The following ABCB4 variants were observed in gnomAD, a reference collection of about 807,000 sequenced individuals.
The protein encoded by ABCB4 is ATP binding cassette subfamily B member 4, also known as phosphatidylcholine translocator ABCB4.
ABCB4 carries 76 observed loss-of-function variants against 145.7 expected under a neutral mutation model. The ratio of observed to expected loss-of-function variants is 0.52; its 90% CI spans 0.43 to 0.63. The LOEUF is 0.63. Ranked by LOEUF, ABCB4 falls within the 30% of genes least tolerant of loss-of-function variation. The pLI is 0.00. For missense variants in ABCB4, 1,234 were observed against 1,553.1 expected (o/e 0.79, Z 3.45); for synonymous variants, 517 against 566.8 (o/e 0.91, Z 1.25).
At chr7:87,430,225 AT>A (rs1328012095) in intron 15 of ABCB4, among the ~76,000 whole-genome samples, 1 of 152,204 alleles carries the variant, frequency 6.6e-6, no homozygotes, top group East Asian at 1.9e-4. Flanking sequence ...AAAATGACTA[AT>A]TTCACACATT....
At chr7:87,391,141 G>A in the ABCB4 span, among the ~76,000 whole-genome samples, 33 of 152,278 alleles carry the variant, frequency 2.2e-4, no homozygotes, top group Middle Eastern at 3.4e-3. Context: ...CCTCTCCATC[G>A]GGCAGCCCTC....
At chr7:87,450,168 T>C (rs1249486788) in intron 7 of ABCB4, 76 bp from the exon 8 acceptor site, 4 of 1,582,226 alleles carry the variant, frequency 2.5e-6, no homozygotes, top group Non-Finnish European at 3.5e-6. Context: ...CCCTTTAACC[T>C]ACTTTTTCTT....
At chr7:87,411,187 C>A (rs1310587796) in intron 23 of ABCB4, among the ~76,000 whole-genome samples, 1 of 151,362 alleles carries the variant, frequency 6.6e-6, no homozygotes, top group Non-Finnish European at 1.5e-5. Context: ...CAGCTCTTAA[C>A]ACACTTTCGC....
downstream of ABCB4, among the ~76,000 whole-genome samples, chr7:87,401,491 C>A (rs1807781293): frequency 6.6e-6 from 1 of 152,146 alleles, no homozygotes; most frequent in African/African-American, 2.4e-5. Context: ...GATAATTGTA[C>A]ATTTTAAATT....
the ABCB4 span, among the ~76,000 whole-genome samples, chr7:87,370,232 G>C: frequency 6.6e-6 from 1 of 152,042 alleles, no homozygotes; most frequent in Non-Finnish European, 1.5e-5. Flanking sequence ...GTCCAGGCTG[G>C]AGTGCAGAGG....
intron 14 of ABCB4, among the ~76,000 whole-genome samples, chr7:87,432,728 G>A (rs1393343019): frequency 6.6e-6 from 1 of 152,128 alleles, no homozygotes; most frequent in Non-Finnish European, 1.5e-5. Context: ...GAGTGAGGGT[G>A]GAATGCAGAG....
chr7:87,426,294 C>G (rs1241498571), intron 16 of ABCB4, among the ~76,000 whole-genome samples: 1 of 152,162 alleles, frequency 6.6e-6, no homozygotes, highest in African/African-American at 2.4e-5. Context: ...AGCTACTGTT[C>G]TAGCCCTGGG....
intron 15 of ABCB4, 99 bp downstream of exon 15, chr7:87,431,304 TC>T (rs879700814): frequency 3.4e-5 from 50 of 1,477,660 alleles, no homozygotes; most frequent in Middle Eastern, 1.7e-4. Context: ...TGTTGAAGTT[TC>T]TTCTTGCTCA....
At chr7:87,444,457 GA>G (rs1811204279) in intron 10 of ABCB4, among the ~76,000 whole-genome samples, 1 of 152,040 alleles carries the variant, frequency 6.6e-6, no homozygotes, top group African/African-American at 2.4e-5. Context: ...ATTTTTTGGA[GA>G]GGGGGAACCC....
rs749332686 is a variant in ABCB4, at chr7:87,431,389, C to A, written c.1893+15G>T. The A allele has an allele frequency of 6.2e-7, 1 of 1,613,922 alleles. No individual in the cohort carries two copies. The highest frequency in any genetic ancestry group is 2.2e-5 in the East Asian group (1 of 44,864). ...GAGGAGCAAATAGCAGAAAAAATTC[C>A]TGAAAAGCAAGTACCTGCATGTTGA... On this transcript the variant is annotated intron_variant, in intron 15 of 27. Coordinates refer to ENST00000649586, the MANE Select transcript of ABCB4 (RefSeq NM_000443.4).
chr7:87,454,128 C>G (rs530734140), intron 5 of ABCB4, among the ~76,000 whole-genome samples: 1 of 152,142 alleles, frequency 6.6e-6, no homozygotes, highest in Non-Finnish European at 1.5e-5. Flanking sequence ...AGACAGCACT[C>G]GTTACAATCA....
chr7:87,427,121 T>C (rs1210959076), intron 15 of ABCB4, among the ~76,000 whole-genome samples: 1 of 152,002 alleles, frequency 6.6e-6, no homozygotes, highest in Non-Finnish European at 1.5e-5. Context: ...TAAATTCAAT[T>C]TGAACAATAA....
chr7:87,428,716 C>T (rs1235458372), intron 15 of ABCB4, among the ~76,000 whole-genome samples: 1 of 152,078 alleles, frequency 6.6e-6, no homozygotes, highest in African/African-American at 2.4e-5. Context: ...CAAATACTTT[C>T]ACAGAGGAAG....
chr7:87,406,618 C>T, intron 25 of ABCB4, 124 bp from the exon 26 acceptor site: 1 of 1,015,694 alleles, frequency 9.8e-7, no homozygotes, highest in Non-Finnish European at 1.5e-6. Context: ...AACAACAACC[C>T]TCCAAGACTT....
intron 3 of ABCB4, among the ~76,000 whole-genome samples, chr7:87,463,295 A>G (rs1812592071): frequency 6.6e-6 from 1 of 152,098 alleles, no homozygotes; most frequent in African/African-American, 2.4e-5. Context: ...TTAAAAAAGC[A>G]TTCAGAATAT....
the ABCB4 span, chr7:87,369,628 G>T: frequency 5.6e-6 from 2 of 357,070 alleles, no homozygotes; most frequent in Admixed American, 4.3e-5. Flanking sequence ...AAATCTATTT[G>T]TATTTTTTAT....
At chr7:87,402,354 T>C in intron 27 of ABCB4, 52 bp from the exon 28 acceptor site, 1 of 1,599,742 alleles carries the variant, frequency 6.3e-7, no homozygotes, top group Non-Finnish European at 8.5e-7. Flanking sequence ...TAAATTAGTT[T>C]TAACATTCAA....
the ABCB4 span, among the ~76,000 whole-genome samples, chr7:87,382,962 A>G: frequency 6.6e-6 from 1 of 152,198 alleles, no homozygotes; most frequent in East Asian, 1.9e-4. Flanking sequence ...GAAGTCCCTC[A>G]ATGTTGCTTT....
chr7:87,384,548 T>G, the ABCB4 span, among the ~76,000 whole-genome samples: 1 of 152,136 alleles, frequency 6.6e-6, no homozygotes, highest in Non-Finnish European at 1.5e-5. Flanking sequence ...ACAAAAAAGA[T>G]TATTTGTCCA....
Sources: allele counts gnomAD v4.1 joint callset (sites outside exome capture counted in the v4.1 genomes callset), GRCh38; gene constraint gnomAD v4.1.1; transcripts MANE v1.5; gene names NCBI Gene and HGNC (gene_info 2026-07-23, HGNC 2026-07-21).